EYS: variants seen among roughly 807,000 people sequenced by gnomAD.
EYS encodes the protein EGF-like photoreceptor maintenance factor, also known as protein eyes shut homolog.
EYS carries 250 observed loss-of-function variants against 282.1 expected under a neutral mutation model. The ratio of observed to expected loss-of-function variants is 0.89; its 90% CI spans 0.80 to 0.98. The LOEUF is 0.98. Among genes scored for constraint, EYS ranks in the 50% least tolerant of loss-of-function variants. The pLI, the probability that EYS is intolerant of heterozygous loss-of-function variation, is 0.00. For missense variants in EYS, 4,016 were observed against 3,709.0 expected (o/e 1.08, Z -2.15); for synonymous variants, 1,355 against 1,282.9 (o/e 1.06, Z -1.20).
At chr6:65,515,613 A>C (rs1315706120) in intron 2 of EYS, among the ~76,000 whole-genome samples, 8 of 152,194 alleles carry the variant, frequency 5.3e-5, no homozygotes, top group Middle Eastern at 6.8e-3. Context: ...ATGCAGCCAG[A>C]AAAAATGATG....
intron 5 of EYS, among the ~76,000 whole-genome samples, chr6:65,410,475 A>T (rs1176939924): frequency 6.6e-6 from 1 of 151,926 alleles, no homozygotes; most frequent in African/African-American, 2.4e-5. Context: ...GTGCAATCAA[A>T]CAGCAATACT....
chr6:65,391,100 T>C (rs966519054), intron 7 of EYS, among the ~76,000 whole-genome samples: 2 of 152,066 alleles, frequency 1.3e-5, no homozygotes, highest in Non-Finnish European at 2.9e-5. Context: ...TCTGCACATG[T>C]CTGTACTTAT....
chr6:63,742,731 A>G (rs1197467317), intron 41 of EYS, among the ~76,000 whole-genome samples: 1 of 152,130 alleles, frequency 6.6e-6, no homozygotes, highest in South Asian at 2.1e-4. Flanking sequence ...GGCATACTCT[A>G]TCTGGATTAT....
At chr6:65,255,274 G>T (rs1033738611) in intron 12 of EYS, among the ~76,000 whole-genome samples, 2 of 151,726 alleles carry the variant, frequency 1.3e-5, no homozygotes, top group African/African-American at 4.8e-5. Flanking sequence ...TATACACTGG[G>T]GAAAGAACAG....
chr6:64,553,051 A>G (rs1269337464), intron 26 of EYS, among the ~76,000 whole-genome samples: 1 of 150,996 alleles, frequency 6.6e-6, no homozygotes, highest in African/African-American at 2.4e-5. Flanking sequence ...TCTTGCATGT[A>G]TTGATTGATG....
chr6:64,786,138 A>G (rs1774008362), intron 22 of EYS, among the ~76,000 whole-genome samples: 1 of 151,320 alleles, frequency 6.6e-6, no homozygotes, highest in South Asian at 2.1e-4. Context: ...CATCTAGCTT[A>G]GCTAGACTGA....
At chr6:65,280,781 G>T (rs1221726934) in intron 12 of EYS, among the ~76,000 whole-genome samples, 1 of 151,212 alleles carries the variant, frequency 6.6e-6, no homozygotes, top group African/African-American at 2.4e-5. Flanking sequence ...ACTTTGGGAG[G>T]CCAAGGTGGG....
At chr6:64,283,505 A>T (rs1768384587) in intron 30 of EYS, among the ~76,000 whole-genome samples, 1 of 152,170 alleles carries the variant, frequency 6.6e-6, no homozygotes, top group Non-Finnish European at 1.5e-5. Flanking sequence ...TTCTAGAATA[A>T]ATGATTAGAT....
chr6:64,488,745 T>C (rs1372053189), intron 26 of EYS, among the ~76,000 whole-genome samples: 1 of 151,046 alleles, frequency 6.6e-6, no homozygotes, highest in Admixed American at 6.6e-5. Flanking sequence ...AACATGTAGA[T>C]AGCATGCTAA....
chr6:65,575,926 T>C (rs2127356435), intron 2 of EYS, among the ~76,000 whole-genome samples: 1 of 152,070 alleles, frequency 6.6e-6, no homozygotes, highest in South Asian at 2.1e-4. Flanking sequence ...CAACAACAAG[T>C]AAAGAGATTA....
chr6:63,727,266 C>A (rs898916856), intron 41 of EYS, among the ~76,000 whole-genome samples: 1 of 151,744 alleles, frequency 6.6e-6, no homozygotes, highest in East Asian at 1.9e-4. Flanking sequence ...ATTCCTTCTT[C>A]TTTTCTTATA....
In EYS at chr6:65,363,805, G is replaced by A. The variant is rs1764808586; in HGVS notation, c.1300-10188C>T. Among the ~76,000 whole-genome samples, 3 of 151,708 alleles carry A rather than the reference G, an allele frequency of 2.0e-5. No homozygotes were observed. The South Asian group carries it at 6.2e-4, about 31-fold the overall frequency. On this transcript the variant is annotated intron_variant, in intron 8 of 42. Transcript: ENST00000503581. ...ATTTTTTCCAATTGTAGAAGTGTAT[G>A]TGAACTAAATTTTCCCTCAAAATAC...
chr6:64,984,192 C>T (rs1770773637), intron 14 of EYS, among the ~76,000 whole-genome samples: 1 of 151,354 alleles, frequency 6.6e-6, no homozygotes, highest in African/African-American at 2.4e-5. Flanking sequence ...GATATAGTCT[C>T]TGGGCCCTCC....
rs1410199227 is a variant in EYS, at chr6:63,884,554, T to C, written c.7056-20196A>G. Among the ~76,000 whole-genome samples the C allele has an allele frequency of 4.6e-5, 7 of 152,186 alleles. No individual in the cohort carries two copies. The South Asian group carries it at 1.2e-3, about 27-fold the overall frequency. ...AGATTTGTGTGCTTTACTGTATGTA[T>C]GTTATCTTTTATTTTAAAAATCTTG... On this transcript the variant is annotated intron_variant, in intron 35 of 42. Coordinates refer to ENST00000503581, the MANE Select transcript of EYS (RefSeq NM_001142800.2).
chr6:65,422,965 T>C (rs942885797), intron 5 of EYS, among the ~76,000 whole-genome samples: 4 of 151,822 alleles, frequency 2.6e-5, no homozygotes, highest in African/African-American at 9.7e-5. Flanking sequence ...ATCATCATTA[T>C]AACATATATA....
At chr6:63,946,787 T>G (rs1004125434) in intron 35 of EYS, among the ~76,000 whole-genome samples, 1 of 150,282 alleles carries the variant, frequency 6.7e-6, no homozygotes, top group East Asian at 2.0e-4. Flanking sequence ...TTTTGCAGAA[T>G]AAAATATCTT....
intron 11 of EYS, among the ~76,000 whole-genome samples, chr6:65,328,674 T>TA (rs940210808): frequency 5.8e-4 from 87 of 150,990 alleles, no homozygotes; most frequent in Non-Finnish European, 9.5e-4. Flanking sequence ...TGATAGAAAG[T>TA]AAAAAGCAGA....
intron 30 of EYS, among the ~76,000 whole-genome samples, chr6:64,285,098 C>T (rs998650529): frequency 2.0e-5 from 3 of 152,140 alleles, no homozygotes; most frequent in Non-Finnish European, 2.9e-5. Context: ...ATTTTCTATC[C>T]CATTGTCATG....
At chr6:64,894,382 G>A (rs1767387960) in intron 18 of EYS, among the ~76,000 whole-genome samples, 1 of 152,088 alleles carries the variant, frequency 6.6e-6, no homozygotes, top group Non-Finnish European at 1.5e-5. Flanking sequence ...GAAACAGAGT[G>A]GACATCAGTG....
Sources: gnomAD v4.1 joint callset for allele counts (sites outside exome capture counted in the v4.1 genomes callset) on GRCh38, gnomAD v4.1.1 for gene constraint, MANE v1.5 for transcripts, NCBI Gene and HGNC (gene_info 2026-07-23, HGNC 2026-07-21) for gene names.